JAM3: variants seen among roughly 807,000 people sequenced by gnomAD.
JAM3 encodes junctional adhesion molecule C.
In JAM3, 31 loss-of-function variants were observed where a neutral mutation model predicts 39.4. The observed-to-expected ratio is 0.79, with a 90% confidence interval of 0.59 to 1.06. The LOEUF (loss-of-function observed/expected upper bound fraction) is 1.06. JAM3 is among the 50% of genes least tolerant of loss of function. The pLI is 0.00. For missense variants in JAM3, 455 were observed against 391.4 expected, an observed-to-expected ratio of 1.16 and a Z score of -1.37; for synonymous variants, 182 against 148.7, an observed-to-expected ratio of 1.22 and a Z score of -1.63.
chr11:134,089,642 C>A (rs1423581551), intron 1 of JAM3, among the ~76,000 whole-genome samples: 8 of 152,178 alleles, frequency 5.3e-5, no homozygotes, highest in African/African-American at 1.9e-4. Context: ...ATGAACTCAT[C>A]ATTTTTTATG....
intron 1 of JAM3, among the ~76,000 whole-genome samples, chr11:134,069,382 C>T (rs534135315): frequency 6.6e-6 from 1 of 152,192 alleles, no homozygotes; most frequent in Non-Finnish European, 1.5e-5. Flanking sequence ...GCAGTTGGAC[C>T]GGGGCGGGGA....
intron 1 of JAM3, among the ~76,000 whole-genome samples, chr11:134,096,338 G>A (rs1039704271): frequency 6.6e-6 from 1 of 152,138 alleles, no homozygotes; most frequent in African/African-American, 2.4e-5. Flanking sequence ...AAATAGGTAA[G>A]GGTTTGGATT....
At chr11:134,148,985 C>G (rs959555931) in intron 8 of JAM3, among the ~76,000 whole-genome samples, 161 bp from the exon 9 acceptor site, 1 of 151,128 alleles carries the variant, frequency 6.6e-6, no homozygotes, top group Admixed American at 6.6e-5. Context: ...CACACACACA[C>G]ACACACACAC....
chr11:134,134,404 A>AAAAAAAAAAAG (rs1942824760), intron 1 of JAM3, among the ~76,000 whole-genome samples: 1 of 150,350 alleles, frequency 6.7e-6, no homozygotes, highest in Non-Finnish European at 1.5e-5. Flanking sequence ...ATGCCAAAAA[A>AAAAAAAAAAAG]AAAAAAAAAA....
In JAM3 at chr11:134,146,136, C is replaced by T. The variant is rs369456826; in HGVS notation, c.712+91C>T. On this transcript the variant is annotated intron_variant, in intron 6 of 8. Coordinates refer to ENST00000299106, the MANE Select transcript of JAM3 (RefSeq NM_032801.5). ...TATTATACCATCAGCTTAGAGAACTCTTCCGCCATGGGTTAGCTTTCTTCT... is the reference window on the plus strand; with the variant it reads ...TATTATACCATCAGCTTAGAGAACTTTTCCGCCATGGGTTAGCTTTCTTCT... 2.4e-4 allele frequency: 222 copies of T among 906,932 alleles called. 1 individual carries two copies. In the Middle Eastern group the frequency reaches 3.5e-3, roughly 14 times the overall value. The allele number at this position is 906,932 out of a possible 1,614,324, so 56.2% of individuals were successfully genotyped here.
chr11:134,095,382 A>C (rs149389956), intron 1 of JAM3, among the ~76,000 whole-genome samples: 242 of 152,292 alleles, frequency 1.6e-3, no homozygotes, highest in African/African-American at 5.5e-3. Flanking sequence ...CTATAATCCC[A>C]GCACTTTGGG....
intron 1 of JAM3, among the ~76,000 whole-genome samples, chr11:134,113,920 G>C (rs557700389): frequency 2.4e-4 from 36 of 152,314 alleles, no homozygotes; most frequent in Admixed American, 3.9e-4. Context: ...TTGTGGTTTT[G>C]ATGTGCATTT....
intron 1 of JAM3, among the ~76,000 whole-genome samples, chr11:134,069,979 TGA>T (rs1941462415): frequency 6.6e-6 from 1 of 152,150 alleles, no homozygotes; most frequent in Non-Finnish European, 1.5e-5. Flanking sequence ...CTAATAAACT[TGA>T]TAGTTTTGTG....
intron 1 of JAM3, among the ~76,000 whole-genome samples, chr11:134,116,859 GACTCAAATTCAGC>G (rs1231520286): frequency 6.6e-6 from 1 of 152,024 alleles, no homozygotes; most frequent in African/African-American, 2.4e-5. Flanking sequence ...TGGTATGTCT[GACTCAAATTCAGC>G]ACTACAGGGT....
At chr11:134,090,536 T>G (rs1941828923) in intron 1 of JAM3, among the ~76,000 whole-genome samples, 1 of 151,984 alleles carries the variant, frequency 6.6e-6, no homozygotes, top group Admixed American at 6.6e-5. Flanking sequence ...TGTCAGAAAA[T>G]AAACTGAATG....
intron 1 of JAM3, among the ~76,000 whole-genome samples, chr11:134,070,978 A>G (rs1022138967): frequency 2.6e-5 from 4 of 152,192 alleles, no homozygotes; most frequent in Non-Finnish European, 5.9e-5. Context: ...GAAGGCGTGT[A>G]GCTATCTTTT....
At chr11:134,118,289 G>C (rs1942474117) in intron 1 of JAM3, among the ~76,000 whole-genome samples, 3 of 152,068 alleles carry the variant, frequency 2.0e-5, no homozygotes. Context: ...TTTTATAATT[G>C]GTCTGACTGG....
chr11:134,078,810 AG>A (rs1941616253), intron 1 of JAM3, among the ~76,000 whole-genome samples: 1 of 152,180 alleles, frequency 6.6e-6, no homozygotes, highest in African/African-American at 2.4e-5. Context: ...AGGCCAAGGC[AG>A]GTGGATCACC....
At position 134,074,105 on chromosome 11, in the gene JAM3, A is replaced by G. The variant is rs576391153; in HGVS notation, c.76+4946A>G. 1.6e-4 allele frequency among the ~76,000 whole-genome samples: 24 copies of G among 152,356 alleles called. No homozygotes were observed. In the South Asian group the frequency reaches 4.6e-3, roughly 29 times the overall value. ...CATTTAAGTGACACAAGCTGCAGGT[A>G]TACTAGTATATACTGTATGATTACG... On this transcript the variant is annotated intron_variant, in intron 1 of 8. Coordinates refer to ENST00000299106, the MANE Select transcript of JAM3 (RefSeq NM_032801.5).
At chr11:134,128,832 G>A (rs625641) in intron 1 of JAM3, among the ~76,000 whole-genome samples, 60,086 of 151,958 alleles carry the variant, frequency 0.4, 12,922 homozygotes, top group African/African-American at 0.58. Context: ...CTAATATATT[G>A]GAAAATACTA....
At chr11:134,114,728 CTT>C (rs1258839249) in intron 1 of JAM3, among the ~76,000 whole-genome samples, 1 of 152,152 alleles carries the variant, frequency 6.6e-6, no homozygotes, top group African/African-American at 2.4e-5. Flanking sequence ...TGACTTGAAT[CTT>C]TTAAAACGTA....
At chr11:134,138,299 C>T (rs1330987828) in intron 1 of JAM3, among the ~76,000 whole-genome samples, 5 of 109,508 alleles carry the variant, frequency 4.6e-5, no homozygotes, top group African/African-American at 1.8e-4. Flanking sequence ...GGCCAATAGT[C>T]CCTTAGAGCC....
chr11:134,144,775 C>T lies in JAM3; in HGVS notation c.410-17C>T, dbSNP rs1943040488. 6.4e-7 allele frequency: 1 copy of T among 1,569,154 alleles called. No individual in the cohort carries two copies. Among genetic ancestry groups the T allele is most frequent in the Non-Finnish European group, 8.6e-7 (1 of 1,167,072 alleles). On this transcript the variant is annotated splice_polypyrimidine_tract_variant and intron_variant, in intron 4 of 8. Transcript: ENST00000299106. ...CCTGTCACTGAGATCTTAAACACCA[C>T]CCCTTTTTCCCCACAGTGAAGCCAG...
intron 1 of JAM3, among the ~76,000 whole-genome samples, chr11:134,127,687 G>A (rs1305035049): frequency 6.6e-6 from 1 of 152,212 alleles, no homozygotes; most frequent in African/African-American, 2.4e-5. Flanking sequence ...GCGACAGAGT[G>A]AGACTCGATT....
Sources: gnomAD v4.1 joint callset for allele counts (sites outside exome capture counted in the v4.1 genomes callset) on GRCh38, gnomAD v4.1.1 for gene constraint, MANE v1.5 for transcripts, NCBI Gene and HGNC (gene_info 2026-07-23, HGNC 2026-07-21) for gene names.